The following DLG2 variants were observed in gnomAD, a reference collection of about 807,000 sequenced individuals.
DLG2 encodes disks large homolog 2.
Under a neutral mutation model 132.5 loss-of-function variants are expected in DLG2, and 45 were observed. The observed-to-expected ratio is 0.34, with a 90% CI of 0.27 to 0.44. The LOEUF is 0.44. DLG2 is among the 20% of genes least tolerant of loss of function. The pLI is 1.00. For missense variants in DLG2, 1,045 were observed against 1,196.9 expected (o/e 0.87, Z 1.87); for synonymous variants, 424 against 419.6 (o/e 1.01, Z -0.13).
At chr11:85,357,183 C>A (rs531053307) in intron 3 of DLG2, among the ~76,000 whole-genome samples, 1 of 150,866 alleles carries the variant, frequency 6.6e-6, no homozygotes, top group South Asian at 2.1e-4. Context: ...ACTATGCATA[C>A]CTCCAAAAAG....
chr11:85,529,476 T>C lies in DLG2; in HGVS notation c.40+69181A>G, dbSNP rs965902757. ...TTATCTTGTTCACTTGCTACAAGAA[T>C]AAAGTCCTATGGCATCTAGTAGTCA... On this transcript the variant is annotated intron_variant, in intron 3 of 27. Transcript: ENST00000376104. 3.3e-5 allele frequency among the ~76,000 whole-genome samples: 5 copies of C among 152,164 alleles called. No homozygotes were observed. The East Asian group carries it at 9.6e-4, about 29-fold the overall frequency.
chr11:84,612,346 AT>A (rs1416953908), intron 6 of DLG2, among the ~76,000 whole-genome samples: 1 of 151,924 alleles, frequency 6.6e-6, no homozygotes, highest in Non-Finnish European at 1.5e-5. Context: ...ATATTTGGGT[AT>A]TTCCACCATT....
intron 6 of DLG2, among the ~76,000 whole-genome samples, chr11:84,544,163 T>G (rs2099384884): frequency 6.6e-6 from 1 of 152,220 alleles, no homozygotes; most frequent in Non-Finnish European, 1.5e-5. Context: ...ATTTCTCCCC[T>G]AAAATGAGCT....
rs1358607642 is a variant in DLG2, at chr11:83,786,696, G to A, written c.1819C>T (p.Pro607Ser). 6.2e-7 allele frequency: 1 copy of A among 1,613,620 alleles called. No homozygotes were observed. The highest frequency in any genetic ancestry group is 1.1e-5 in the South Asian group (1 of 91,060). Residue 607 changes from proline (P) to serine (S), a missense_variant, in exon 18 of 28, where the codon CCT (proline) becomes TCT (serine). Transcript: ENST00000376104. ...AGTTTGAGTTCTGACTGACCTTCAG[G>A]TTGATATTGTGCTATAATCGTCACT... ...QTVTIIAQYQ[P>S]EDYARFEAKI...
At chr11:83,734,794 T>C (rs1031543459) in intron 18 of DLG2, among the ~76,000 whole-genome samples, 2 of 152,268 alleles carry the variant, frequency 1.3e-5, no homozygotes, top group African/African-American at 4.8e-5. Flanking sequence ...CAGAGGATAA[T>C]GCACACAGTA....
intron 6 of DLG2, among the ~76,000 whole-genome samples, chr11:85,067,970 G>A (rs890838899): frequency 2.6e-5 from 4 of 151,858 alleles, no homozygotes; most frequent in Non-Finnish European, 4.4e-5. Flanking sequence ...AGTGGGCTTC[G>A]TCCCTGGGAC....
chr11:83,802,384 G>A (rs1287009953), intron 17 of DLG2, among the ~76,000 whole-genome samples: 1 of 152,102 alleles, frequency 6.6e-6, no homozygotes, highest in African/African-American at 2.4e-5. Context: ...ATGTGTGTGT[G>A]CTGCTAGGCT....
At chr11:85,236,952 T>C (rs1183064353) in intron 4 of DLG2, among the ~76,000 whole-genome samples, 5 of 152,036 alleles carry the variant, frequency 3.3e-5, no homozygotes, top group African/African-American at 4.8e-5. Context: ...TTGCCAACAA[T>C]CAGCAGAAAC....
intron 3 of DLG2, among the ~76,000 whole-genome samples, chr11:85,535,806 T>C (rs1255491649): frequency 6.6e-6 from 1 of 152,146 alleles, no homozygotes; most frequent in African/African-American, 2.4e-5. Context: ...TATCCAGTCA[T>C]AAAAAAGAAT....
intron 18 of DLG2, among the ~76,000 whole-genome samples, chr11:83,746,226 G>A (rs1458519593): frequency 1.3e-5 from 2 of 152,118 alleles, no homozygotes; most frequent in African/African-American, 4.8e-5. Context: ...CCCATTACTA[G>A]GTATATACCC....
chr11:85,224,242 C>T (rs953548519), intron 4 of DLG2, among the ~76,000 whole-genome samples: 1 of 152,088 alleles, frequency 6.6e-6, no homozygotes, highest in African/African-American at 2.4e-5. Context: ...TGACAGAAAT[C>T]AGGTGTAGGG....
intron 11 of DLG2, among the ~76,000 whole-genome samples, chr11:84,023,148 A>G (rs2095442300): frequency 6.6e-6 from 1 of 152,168 alleles, no homozygotes; most frequent in Non-Finnish European, 1.5e-5. Context: ...CTAAAATTAT[A>G]AATAGTCTGC....
At chr11:84,732,793 C>G (rs978227417) in intron 6 of DLG2, among the ~76,000 whole-genome samples, 1 of 150,648 alleles carries the variant, frequency 6.6e-6, no homozygotes, top group African/African-American at 2.4e-5. Context: ...TCCCTCCCCC[C>G]ACCCACCCCA....
intron 6 of DLG2, among the ~76,000 whole-genome samples, chr11:84,572,764 GA>G (rs571039476): frequency 1.9e-3 from 274 of 147,362 alleles, no homozygotes; most frequent in Admixed American, 6.6e-3. Flanking sequence ...TCCAGGACAA[GA>G]AAAAAAAAAC....
At chr11:84,279,089 G>A (rs1188965262) in intron 7 of DLG2, among the ~76,000 whole-genome samples, 1 of 151,986 alleles carries the variant, frequency 6.6e-6, no homozygotes, top group East Asian at 1.9e-4. Context: ...CTAATATCCA[G>A]AATCTACAAA....
intron 3 of DLG2, among the ~76,000 whole-genome samples, chr11:85,492,991 T>A (rs775893287): frequency 2.0e-5 from 3 of 152,062 alleles, no homozygotes; most frequent in Non-Finnish European, 2.9e-5. Flanking sequence ...GCGCTAAGTA[T>A]CATACTCCAA....
intron 5 of DLG2, among the ~76,000 whole-genome samples, chr11:85,150,074 C>T (rs1305517247): frequency 1.5e-5 from 2 of 130,438 alleles, no homozygotes; most frequent in African/African-American, 6.2e-5. Flanking sequence ...GGCTGGAGGG[C>T]AGTGGCTTAA....
intron 7 of DLG2, among the ~76,000 whole-genome samples, chr11:84,525,315 C>T (rs2099316972): frequency 6.6e-6 from 1 of 152,058 alleles, no homozygotes; most frequent in African/African-American, 2.4e-5. Flanking sequence ...GAAATTATCC[C>T]ACTCCCTCCC....
intron 18 of DLG2, among the ~76,000 whole-genome samples, chr11:83,765,327 T>A (rs2094099291): frequency 6.6e-6 from 1 of 152,234 alleles, no homozygotes; most frequent in African/African-American, 2.4e-5. Context: ...CTAGAGGAAT[T>A]AATCAAAATA....
Sources: allele counts gnomAD v4.1 joint callset (sites outside exome capture counted in the v4.1 genomes callset), GRCh38; gene constraint gnomAD v4.1.1; transcripts MANE v1.5; gene names NCBI Gene and HGNC (gene_info 2026-07-23, HGNC 2026-07-21).